NARF: variants seen among roughly 807,000 people sequenced by gnomAD.
NARF encodes iron-only hydrogenase-like protein 2.
In NARF, 41 loss-of-function variants were observed where a neutral mutation model predicts 48.0. The ratio of observed to expected loss-of-function variants is 0.85; its 90% confidence interval spans 0.66 to 1.11. The LOEUF (loss-of-function observed/expected upper bound fraction) is 1.11, where lower values mean the gene tolerates loss of function less well. Among genes scored for constraint, NARF ranks in the 50% least tolerant of loss-of-function variants. The pLI is 0.00. For synonymous variants in NARF, 215 were observed against 225.5 expected, an observed-to-expected ratio of 0.95 and a Z score of 0.42; for missense variants, 613 against 590.2, an observed-to-expected ratio of 1.04 and a Z score of -0.40.
intron 3 of NARF, among the ~76,000 whole-genome samples, chr17:82,465,608 C>T (rs772325701): frequency 8.5e-5 from 13 of 152,168 alleles, no homozygotes; most frequent in Non-Finnish European, 1.6e-4. Context: ...CAGGGCCTCA[C>T]CCAGGCTGGA....
intron 1 of NARF, 108 bp from the exon 2 acceptor site, chr17:82,459,884 A>C: frequency 1.2e-6 from 1 of 860,018 alleles, no homozygotes; most frequent in South Asian, 1.7e-5. Context: ...AAATAAATAA[A>C]CTAAAAGAAA....
At position 82,460,043 on chromosome 17, in the gene NARF, G is replaced by A; in HGVS notation, c.79G>A (p.Ala27Thr). Residue 27 changes from alanine to threonine, a missense_variant, in exon 2 of 11, where the codon GCA becomes ACA. Transcript: ENST00000309794. The stretch of plus-strand genomic sequence containing the variant: ...TGACCAAGAGAATGTGTCAGCCGAT[G>A]CACCGAGTCCAGCCCAGGAAAATGG... ...TDDQENVSAD[A>T]PSPAQENGEK... The A allele has an allele frequency of 6.2e-7, 1 of 1,614,048 alleles. No homozygotes were observed. The highest frequency in any genetic ancestry group is 1.3e-5 in the African/African-American group (1 of 75,056).
chr17:82,458,910 C>A (rs1051176569), intron 1 of NARF, 80 bp downstream of exon 1: 1 of 1,285,826 alleles, frequency 7.8e-7, no homozygotes, highest in Non-Finnish European at 9.8e-7. Flanking sequence ...GCGGTCCGGG[C>A]CCGCCGCTCG....
In NARF at chr17:82,472,650, C is replaced by G. The variant is rs762988763; in HGVS notation, c.472C>G (p.His158Asp). The change falls in exon 5 of 11, where the codon CAC becomes GAC. Residue 158 changes from histidine (H) to aspartate (D), a missense_variant. Coordinates refer to ENST00000309794, the MANE Select transcript of NARF (RefSeq NM_012336.4). Reference sequence around the variant, plus strand: ...AGAATTCGTGCGTCGCTATCGCCAGCACAGTGAGGAGGAACGCACCCTGCC... The same window carrying G: ...AGAATTCGTGCGTCGCTATCGCCAGGACAGTGAGGAGGAACGCACCCTGCC... The part of the protein sequence containing the change: ...QKEFVRRYRQ[H>D]SEEERTLPML... 2 of 1,613,980 alleles carry G rather than the reference C, an allele frequency of 1.2e-6. No individual in the cohort carries two copies. Among genetic ancestry groups the G allele is most frequent in the Non-Finnish European group, 8.5e-7 (1 of 1,179,974 alleles).
chr17:82,458,751 C>G lies in NARF; in HGVS notation c.-53C>G. The G allele has an allele frequency of 6.8e-7, 1 of 1,475,646 alleles. No homozygotes were observed. The highest frequency in any genetic ancestry group is 8.9e-7 in the Non-Finnish European group (1 of 1,119,622). The allele number at this position is 1,475,646 out of a possible 1,614,324, so 91.4% of individuals were successfully genotyped here. On this transcript the variant is annotated 5_prime_UTR_variant, in exon 1 of 11. Transcript: ENST00000309794. The stretch of plus-strand genomic sequence containing the variant: ...GCGGCGGGCAGTGGTGTCCCAGTCT[C>G]CCGGTGCTTCCCTGAGGCTGAGGCG...
At chr17:82,485,415 C>T (rs1376438362) in intron 9 of NARF, 82 bp from the exon 10 acceptor site, 21 of 1,460,326 alleles carry the variant, frequency 1.4e-5, no homozygotes, top group East Asian at 2.5e-5. Flanking sequence ...AGCAAGACTC[C>T]GTCTCAAAAA....
intron 8 of NARF, 53 bp downstream of exon 8, chr17:82,483,832 C>T (rs2044031040): frequency 1.3e-6 from 2 of 1,562,948 alleles, no homozygotes; most frequent in African/African-American, 2.7e-5. Flanking sequence ...TCTCGTCAGC[C>T]CTGCCAGCCA....
At chr17:82,485,435 A>AC in intron 9 of NARF, 62 bp from the exon 10 acceptor site, 1 of 1,548,208 alleles carries the variant, frequency 6.5e-7, no homozygotes, top group Non-Finnish European at 8.8e-7. Context: ...AAAAAAAGGA[A>AC]GTGTTCTTAA....
rs200451530 is a variant in NARF, at chr17:82,484,869, G to A, written c.890G>A (p.Gly297Glu). 4 of 1,613,020 alleles carry A rather than the reference G, an allele frequency of 2.5e-6. No individual in the cohort carries two copies. Among genetic ancestry groups the A allele is most frequent in the South Asian group, 2.2e-5 (2 of 90,964 alleles). Residue 297 changes from glycine (G) to glutamate (E), a missense_variant, in exon 9 of 11, where the codon GGG becomes GAG. Coordinates refer to ENST00000309794, the MANE Select transcript of NARF (RefSeq NM_012336.4). ...CGTCATGATGGAGCCAGCTCAGACG[G>A]GCACCTGGCACACATCTTCAGACAT... ...VTRHDGASSDGHLAHIFRHAA... is the reference protein window; with the variant it reads ...VTRHDGASSDEHLAHIFRHAA...
chr17:82,464,237 C>T (rs756567804), intron 2 of NARF, 50 bp from the exon 3 acceptor site: 4 of 1,592,390 alleles, frequency 2.5e-6, no homozygotes, highest in Non-Finnish European at 2.6e-6. Flanking sequence ...TAAAGAAGCA[C>T]ATTAAAGAGT....
chr17:82,458,769 C>T lies in NARF; in HGVS notation c.-35C>T, dbSNP rs1255781796. 2 of 1,469,270 alleles carry T rather than the reference C, an allele frequency of 1.4e-6. No homozygotes were observed. The highest frequency in any genetic ancestry group is 1.4e-5 in the South Asian group (1 of 73,280). 91.0% of individuals were successfully genotyped at this position (1,469,270 alleles called of 1,614,324 possible). On this transcript the variant is annotated 5_prime_UTR_variant, in exon 1 of 11. Coordinates refer to ENST00000309794, the MANE Select transcript of NARF (RefSeq NM_012336.4). Reference sequence around the variant, plus strand: ...CCAGTCTCCCGGTGCTTCCCTGAGGCTGAGGCGCCCGGCCTCCCGCCCGCC... The same window carrying T: ...CCAGTCTCCCGGTGCTTCCCTGAGGTTGAGGCGCCCGGCCTCCCGCCCGCC...
intron 4 of NARF, among the ~76,000 whole-genome samples, chr17:82,469,746 C>T (rs2043654312): frequency 6.6e-6 from 1 of 152,100 alleles, no homozygotes; most frequent in South Asian, 2.1e-4. Flanking sequence ...GCTGGGACTA[C>T]AGGTGCGCGC....
At chr17:82,480,686 A>G (rs1488081845) in intron 6 of NARF, 3 of 444,818 alleles carry the variant, frequency 6.7e-6, no homozygotes, top group Non-Finnish European at 1.2e-5. Context: ...TAATTCTAGT[A>G]CTTTGGAGGC....
At chr17:82,475,399 G>C (rs1294431491) in intron 5 of NARF, among the ~76,000 whole-genome samples, 1 of 152,182 alleles carries the variant, frequency 6.6e-6, no homozygotes, top group Non-Finnish European at 1.5e-5. Context: ...AGGAGATTGA[G>C]ACCATCCTGG....
At chr17:82,458,509 G>C (rs866066752), upstream of NARF, 11 of 378,016 alleles carry the variant, frequency 2.9e-5, no homozygotes, top group Non-Finnish European at 4.7e-5. Flanking sequence ...CCCCGGCGCC[G>C]TACGTGGAGT....
intron 3 of NARF, among the ~76,000 whole-genome samples, chr17:82,465,711 G>A (rs1438061702): frequency 3.3e-5 from 5 of 152,080 alleles, no homozygotes; most frequent in African/African-American, 1.2e-4. Context: ...GACTACAGAC[G>A]CGTGCTACCA....
At chr17:82,468,666 C>A in intron 3 of NARF, 98 bp from the exon 4 acceptor site, 2 of 1,136,400 alleles carry the variant, frequency 1.8e-6, no homozygotes, top group Non-Finnish European at 2.5e-6. Flanking sequence ...TTTGCATAGA[C>A]CATCTATTAA....
chr17:82,479,021 C>T, intron 6 of NARF, 103 bp downstream of exon 6: 1 of 1,072,010 alleles, frequency 9.3e-7, no homozygotes, highest in Non-Finnish European at 1.3e-6. Context: ...TGGTCACGGC[C>T]CCCCAGGTGA....
rs146734857 is a variant in NARF, at chr17:82,488,021, C to T, written c.1235C>T (p.Pro412Leu). 116 of 1,614,206 alleles carry T rather than the reference C, an allele frequency of 7.2e-5. No individual in the cohort carries two copies. The African/African-American group carries it at 7.6e-4, about 11-fold the overall frequency. ...TACGCTGACATCCCTGTGCGGCGTC[C>T]GGAGTCCAGTGCACACGTGCAGGAG... ...GIYADIPVRR[P>L]ESSAHVQELY... The change falls in exon 11 of 11, where the codon CCG becomes CTG. Residue 412 changes from proline (P) to leucine (L), a missense_variant. Pro to Leu is a moderately conservative substitution (Grantham distance 98). Transcript: ENST00000309794.
Sources: allele counts gnomAD v4.1 joint callset (sites outside exome capture counted in the v4.1 genomes callset), GRCh38; gene constraint gnomAD v4.1.1; transcripts MANE v1.5; gene names NCBI Gene and HGNC (gene_info 2026-07-23, HGNC 2026-07-21).